LMLN: variants seen among roughly 807,000 people sequenced by gnomAD.
LMLN encodes the protein leishmanolysin-like peptidase.
In LMLN, 70 loss-of-function variants were observed where a neutral mutation model predicts 92.3. That is an observed-to-expected ratio of 0.76 (90% confidence interval 0.63 to 0.92). The LOEUF is 0.92. Ranked by LOEUF, LMLN falls within the 40% of genes least tolerant of loss-of-function variation. The pLI is 0.00. For synonymous variants in LMLN, 308 were observed against 296.2 expected (o/e 1.04, Z -0.41); for missense variants, 691 against 814.6 (o/e 0.85, Z 1.85).
chr3:197,987,573 GA>G (rs1283089717), intron 8 of LMLN, among the ~76,000 whole-genome samples: 4 of 151,928 alleles, frequency 2.6e-5, no homozygotes, highest in Admixed American at 1.3e-4. Context: ...GAATAAGCCA[GA>G]AAAAAAATGA....
At chr3:198,016,629 A>G (rs757783004) in intron 11 of LMLN, among the ~76,000 whole-genome samples, 2 of 152,194 alleles carry the variant, frequency 1.3e-5, no homozygotes, top group Non-Finnish European at 2.9e-5. Context: ...CAGCTGCAAG[A>G]GCTTAGGGAG....
At chr3:197,965,922 G>A (rs914240487) in intron 1 of LMLN, among the ~76,000 whole-genome samples, 1 of 152,134 alleles carries the variant, frequency 6.6e-6, no homozygotes, top group African/African-American at 2.4e-5. Flanking sequence ...GAGAAAATAG[G>A]TGTATTTAGC....
intron 7 of LMLN, among the ~76,000 whole-genome samples, chr3:197,984,622 T>C (rs551779147): frequency 6.6e-6 from 1 of 151,852 alleles, no homozygotes; most frequent in South Asian, 2.1e-4. Flanking sequence ...GGCTAATTTT[T>C]TTTTTTGATA....
At chr3:198,016,789 C>T (rs1369257754) in intron 11 of LMLN, among the ~76,000 whole-genome samples, 4 of 152,182 alleles carry the variant, frequency 2.6e-5, no homozygotes, top group Non-Finnish European at 4.4e-5. Flanking sequence ...TGAATTCTCT[C>T]CTGTCCTTTG....
exon 15 of LMLN, chr3:198,035,914 G>A: frequency 6.2e-7 from 1 of 1,614,076 alleles, no homozygotes; most frequent in African/African-American, 1.3e-5. Flanking sequence ...GGTCCTCCCT[G>A]TCAGTATCCA....
At chr3:197,973,900 G>A (rs1313530376) in intron 1 of LMLN, among the ~76,000 whole-genome samples, 1 of 152,164 alleles carries the variant, frequency 6.6e-6, no homozygotes, top group Non-Finnish European at 1.5e-5. Flanking sequence ...ATACTGCTGA[G>A]ACCTTTCTTG....
chr3:197,983,990 AGCCT>A lies in LMLN; in HGVS notation c.777_780del (p.Gln259HisfsTer11). The stretch of plus-strand genomic sequence containing the variant: ...CTGTGTCCAAATATGATCTCTACCC[AGCCT>A]CAGGAGTTTGTTGGGATGCTGTCCA... On this transcript the variant is annotated frameshift_variant, in exon 7 of 16. Transcript: ENST00000330198. LOFTEE classifies it high-confidence loss of function. The A allele has an allele frequency of 6.2e-7, 1 of 1,613,938 alleles. No individual in the cohort carries two copies. The highest frequency in any genetic ancestry group is 8.5e-7 in the Non-Finnish European group (1 of 1,179,850).
At chr3:197,970,160 AAAAT>A (rs1451764980) in intron 1 of LMLN, among the ~76,000 whole-genome samples, 10 of 152,232 alleles carry the variant, frequency 6.6e-5, no homozygotes, top group South Asian at 2.1e-4. Flanking sequence ...AAAAAAACCC[AAAAT>A]AAATAAATAA....
intron 1 of LMLN, among the ~76,000 whole-genome samples, chr3:197,968,237 C>T (rs556227136): frequency 7.2e-5 from 11 of 151,974 alleles, no homozygotes; most frequent in East Asian, 3.9e-4. Flanking sequence ...GAGGCCGAGG[C>T]GGGCGGATCA....
intron 5 of LMLN, among the ~76,000 whole-genome samples, chr3:197,976,975 C>G (rs1464722239): frequency 1.3e-5 from 2 of 152,298 alleles, no homozygotes; most frequent in East Asian, 1.9e-4. Context: ...AGAACATTAT[C>G]TTGTCTTCCA....
intron 11 of LMLN, among the ~76,000 whole-genome samples, chr3:198,006,007 C>T (rs1047594405): frequency 6.6e-6 from 1 of 152,096 alleles, no homozygotes; most frequent in African/African-American, 2.4e-5. Flanking sequence ...ACCCTAGCTA[C>T]TCAGGAGGCT....
At chr3:197,986,389 G>A (rs565355480) in intron 8 of LMLN, among the ~76,000 whole-genome samples, 5 of 152,320 alleles carry the variant, frequency 3.3e-5, no homozygotes, top group African/African-American at 1.2e-4. Flanking sequence ...CAGCTCAGGA[G>A]GCTGAGGCTA....
intron 10 of LMLN, among the ~76,000 whole-genome samples, chr3:197,997,105 A>T (rs1444390487): frequency 8.6e-4 from 41 of 47,628 alleles, no homozygotes; most frequent in South Asian, 2.5e-3. Context: ...CTTTCCTTTT[A>T]CTTTTCTTTT....
At chr3:197,995,746 AAAAG>A (rs1373115767) in intron 9 of LMLN, among the ~76,000 whole-genome samples, 1 of 152,136 alleles carries the variant, frequency 6.6e-6, no homozygotes, top group African/African-American at 2.4e-5. Context: ...TTCTCACAAA[AAAAG>A]TATTTGAAAT....
chr3:198,043,347 C>T (rs549055969), exon 16 of LMLN: 7 of 152,808 alleles, frequency 4.6e-5, no homozygotes, highest in East Asian at 3.9e-4. Flanking sequence ...TGTCCTTGGA[C>T]GCTGACTGGA....
At chr3:198,014,192 G>C (rs1252518719) in intron 11 of LMLN, among the ~76,000 whole-genome samples, 1 of 147,978 alleles carries the variant, frequency 6.8e-6, no homozygotes, top group Non-Finnish European at 1.5e-5. Flanking sequence ...TAACTAGTCT[G>C]ACTTCTCTGT....
chr3:198,036,401 A>G (rs1224884594), intron 15 of LMLN, among the ~76,000 whole-genome samples: 1 of 152,240 alleles, frequency 6.6e-6, no homozygotes, highest in Non-Finnish European at 1.5e-5. Context: ...TATTTTAGTC[A>G]TATCATAATC....
intron 7 of LMLN, among the ~76,000 whole-genome samples, chr3:197,985,330 A>G (rs757859540): frequency 6.6e-6 from 1 of 151,682 alleles, no homozygotes; most frequent in Non-Finnish European, 1.5e-5. Context: ...TCTTCTATAT[A>G]TATAAGAAGG....
At chr3:198,008,693 C>T (rs940725668) in intron 11 of LMLN, among the ~76,000 whole-genome samples, 1 of 152,216 alleles carries the variant, frequency 6.6e-6, no homozygotes, top group African/African-American at 2.4e-5. Context: ...CACCACTGCA[C>T]TCCATCCTGG....
Sources: gnomAD v4.1 joint callset for allele counts (sites outside exome capture counted in the v4.1 genomes callset) on GRCh38, gnomAD v4.1.1 for gene constraint, MANE v1.5 for transcripts, NCBI Gene and HGNC (gene_info 2026-07-23, HGNC 2026-07-21) for gene names.